The following SPTBN4 variants were observed in gnomAD, a reference collection of about 807,000 sequenced individuals.
SPTBN4 encodes spectrin beta chain, non-erythrocytic 4.
SPTBN4 carries 96 observed loss-of-function variants against 277.8 expected under a neutral mutation model. The observed-to-expected ratio is 0.35, with a 90% CI of 0.29 to 0.41. The LOEUF (loss-of-function observed/expected upper bound fraction) is 0.41, where lower values mean the gene tolerates loss of function less well. Ranked by LOEUF, SPTBN4 falls within the 10% of genes least tolerant of loss-of-function variation. SPTBN4 has a pLI of 1.00. For synonymous variants in SPTBN4, 1,481 were observed against 1,580.3 expected (o/e 0.94, Z 1.49); for missense variants, 3,006 against 3,595.7 (o/e 0.84, Z 4.19).
intron 2 of SPTBN4, among the ~76,000 whole-genome samples, chr19:40,485,274 T>A (rs549991215): frequency 6.6e-6 from 1 of 152,278 alleles, no homozygotes; most frequent in East Asian, 1.9e-4. Flanking sequence ...CTCAGCCTCC[T>A]GAGTAGCTGA....
intron 17 of SPTBN4, among the ~76,000 whole-genome samples, chr19:40,527,794 C>T (rs2080610527): frequency 6.6e-6 from 1 of 152,124 alleles, no homozygotes; most frequent in Non-Finnish European, 1.5e-5. Context: ...TGCAGGAGCT[C>T]ACTCCCATCC....
chr19:40,505,700 G>A (rs868564354), intron 12 of SPTBN4, among the ~76,000 whole-genome samples: 10 of 116,512 alleles, frequency 8.6e-5, no homozygotes, highest in Admixed American at 3.7e-4. Context: ...GAATGAAAGG[G>A]AGGAAGGAAG....
intron 16 of SPTBN4, 68 bp downstream of exon 16, chr19:40,520,219 G>C: frequency 8.4e-5 from 71 of 841,294 alleles, no homozygotes; most frequent in Non-Finnish European, 9.5e-5. Context: ...CAGGGACAGG[G>C]ACATGCGGGG....
At chr19:40,562,097 G>A (rs2081048332) in intron 27 of SPTBN4, among the ~76,000 whole-genome samples, 1 of 152,074 alleles carries the variant, frequency 6.6e-6, no homozygotes, top group Admixed American at 6.6e-5. Context: ...GAGTGAGGGA[G>A]TGTAGGGTGA....
chr19:40,516,765 A>G (rs550348846), intron 15 of SPTBN4, among the ~76,000 whole-genome samples: 1 of 152,304 alleles, frequency 6.6e-6, no homozygotes, highest in Middle Eastern at 3.4e-3. Flanking sequence ...CAGAGGCTAC[A>G]GTGAGCCAAG....
intron 2 of SPTBN4, among the ~76,000 whole-genome samples, chr19:40,478,293 C>T (rs576834058): frequency 1.3e-5 from 2 of 151,932 alleles, no homozygotes; most frequent in African/African-American, 2.4e-5. Context: ...GCATCTTGCC[C>T]AGGGAAATGT....
intron 32 of SPTBN4, among the ~76,000 whole-genome samples, chr19:40,569,941 C>CACACACACAG (rs2081134590): frequency 1.5e-5 from 1 of 65,274 alleles, no homozygotes; most frequent in Non-Finnish European, 3.1e-5. Flanking sequence ...CCCCTCCACA[C>CACACACACAG]ACACACACAC....
intron 20 of SPTBN4, among the ~76,000 whole-genome samples, chr19:40,536,414 A>G (rs530389868): frequency 4.6e-4 from 70 of 152,212 alleles, no homozygotes; most frequent in African/African-American, 1.6e-3. Flanking sequence ...GGGTTTCACC[A>G]TGTTGGCCAG....
At chr19:40,574,088 C>T (rs895666514) in intron 35 of SPTBN4, among the ~76,000 whole-genome samples, 3 of 151,712 alleles carry the variant, frequency 2.0e-5, no homozygotes, top group East Asian at 1.9e-4. Context: ...AGCGACAGAG[C>T]GAGACTCCAT....
At position 40,513,427 on chromosome 19, in the gene SPTBN4, G is replaced by A. The variant is rs1330225786; in HGVS notation, c.2638G>A (p.Ala880Thr). 1.9e-6 allele frequency: 3 copies of A among 1,603,662 alleles called. No homozygotes were observed. Among genetic ancestry groups the A allele is most frequent in the Non-Finnish European group, 2.5e-6 (3 of 1,177,710 alleles). The part of the protein sequence containing the change: ...AALRRQWLRD[A>T]LAVYRMFGEV... ...GCTGAGGCGCCAGTGGCTGCGGGAC[G>A]CGCTCGCTGTCTACCGCATGTTTGG... The change falls in exon 14 of 36, where the codon GCG (alanine) becomes ACG (threonine). Residue 880 changes from alanine (A) to threonine (T), a missense_variant. By Grantham distance (58) the Ala-to-Thr change is moderately conservative. Transcript: ENST00000598249.
At chr19:40,498,373 T>A (rs1228556319) in intron 7 of SPTBN4, among the ~76,000 whole-genome samples, 1 of 141,162 alleles carries the variant, frequency 7.1e-6, no homozygotes, top group South Asian at 2.3e-4. Flanking sequence ...TTTTATTTTA[T>A]TTTATTTATT....
chr19:40,567,152 G>C (rs751979148), intron 30 of SPTBN4: 2 of 455,850 alleles, frequency 4.4e-6, no homozygotes, highest in South Asian at 1.5e-5. Flanking sequence ...AAAACAGCCA[G>C]GCGTGATGGC....
rs1215561455 is a variant in SPTBN4 at position 40,575,719 on chromosome 19, C to G, written c.*150C>G. 3.0e-6 allele frequency: 3 copies of G among 1,002,154 alleles called. No individual in the cohort carries two copies. The highest frequency in any genetic ancestry group is 4.2e-6 in the Non-Finnish European group (3 of 711,648). The allele number at this position is 1,002,154 out of a possible 1,614,324, so 62.1% of individuals were successfully genotyped here. A position where few individuals can be genotyped will look rare whatever the true frequency, so the allele number is the denominator to read the frequency against. On this transcript the variant is annotated 3_prime_UTR_variant, in exon 36 of 36. Transcript: ENST00000598249. ...GGGCACCGGAAAGGAGGGGACTTCT[C>G]CTGCACCCCAAGAAGTGGTGGGGAG...
chr19:40,515,864 A>G lies in SPTBN4; in HGVS notation c.2903+416A>G, dbSNP rs2145870151. Among the ~76,000 whole-genome samples, 1 of 146,224 alleles carries G rather than the reference A, an allele frequency of 6.8e-6. No individual in the cohort carries two copies. Among genetic ancestry groups the G allele is most frequent in the South Asian group, 2.2e-4 (1 of 4,504 alleles). ...ATGGTGAAACCCCGTCTCTCTCTCT[A>G]CGTGCGCGCACACACACACACACAC... On this transcript the variant is annotated intron_variant, in intron 15 of 35. Transcript: ENST00000598249. This position sits in a 1 kb window ranked among gnomAD's most constrained non-coding sequence, Gnocchi z 4.1.
chr19:40,514,838 C>T (rs960597068), intron 14 of SPTBN4, among the ~76,000 whole-genome samples: 1 of 152,154 alleles, frequency 6.6e-6, no homozygotes, highest in Non-Finnish European at 1.5e-5. Context: ...GGCGTGGTGG[C>T]TCACGCCTGT....
At chr19:40,497,671 A>G in intron 7 of SPTBN4, 67 bp downstream of exon 7, 1 of 1,291,250 alleles carries the variant, frequency 7.7e-7, no homozygotes, top group Non-Finnish European at 1.1e-6. Context: ...GCCATGTCAC[A>G]CTCAACTCCA....
chr19:40,561,950 G>A (rs964378816), intron 27 of SPTBN4, among the ~76,000 whole-genome samples: 1 of 152,224 alleles, frequency 6.6e-6, no homozygotes, highest in African/African-American at 2.4e-5. Context: ...TGAATGAAGT[G>A]ATGGGTGAGT....
At chr19:40,525,045 C>T (rs1054280656) in intron 17 of SPTBN4, among the ~76,000 whole-genome samples, 4 of 152,068 alleles carry the variant, frequency 2.6e-5, no homozygotes, top group Admixed American at 6.6e-5. Context: ...TGGCTCTCTC[C>T]GGCATGATCC....
intron 17 of SPTBN4, chr19:40,524,508 C>G (rs747879739): frequency 6.7e-6 from 3 of 447,756 alleles, no homozygotes; most frequent in Middle Eastern, 3.2e-4. Flanking sequence ...TTCTGTCCCC[C>G]CTCCAAAAAA....
Sources: allele counts gnomAD v4.1 joint callset (sites outside exome capture counted in the v4.1 genomes callset), GRCh38; gene constraint gnomAD v4.1.1; non-coding constraint Gnocchi (gnomAD v3.1); transcripts MANE v1.5; gene names NCBI Gene and HGNC (gene_info 2026-07-23, HGNC 2026-07-21).